GRM7: variants seen among roughly 807,000 people sequenced by gnomAD.
GRM7 encodes the protein glutamate metabotropic receptor 7.
Under a neutral mutation model 84.5 loss-of-function variants are expected in GRM7, and 35 were observed. The observed-to-expected ratio is 0.41, with a 90% CI of 0.32 to 0.55. The LOEUF (loss-of-function observed/expected upper bound fraction) is 0.55. GRM7 is among the 20% of genes least tolerant of loss of function. The pLI is 0.19. For missense variants in GRM7, 1,003 were observed against 1,194.6 expected (o/e 0.84, Z 2.36); for synonymous variants, 487 against 455.1 (o/e 1.07, Z -0.89).
chr3:7,051,103 C>T (rs1191763850), intron 1 of GRM7, among the ~76,000 whole-genome samples: 3 of 151,738 alleles, frequency 2.0e-5, no homozygotes, highest in Non-Finnish European at 4.4e-5. Context: ...TTGGGGATCA[C>T]TGCTTGAATT....
chr3:6,990,411 G>A (rs961309123), intron 1 of GRM7, among the ~76,000 whole-genome samples: 2 of 152,316 alleles, frequency 1.3e-5, no homozygotes. Context: ...ACTGGGTTGG[G>A]AGATGGGTGT....
intron 7 of GRM7, among the ~76,000 whole-genome samples, chr3:7,528,171 AG>A (rs1700884221): frequency 6.6e-6 from 1 of 151,966 alleles, no homozygotes; most frequent in Admixed American, 6.6e-5. Context: ...TTTGGTTGGT[AG>A]ATATTTTTAT....
chr3:6,946,175 G>A (rs1698072655), intron 1 of GRM7, among the ~76,000 whole-genome samples: 1 of 152,126 alleles, frequency 6.6e-6, no homozygotes, highest in Non-Finnish European at 1.5e-5. Flanking sequence ...TTTCCTTCTA[G>A]GGTTTTTATG....
rs147299680 is a variant in GRM7 at position 7,001,171 on chromosome 3, C to T, written c.519+139264C>T. Among the ~76,000 whole-genome samples the T allele has an allele frequency of 1.0e-3, 158 of 152,158 alleles. 2 individuals carry two copies. The highest frequency in any genetic ancestry group is 3.5e-3 in the African/African-American group (147 of 41,514). ...AATAAGCCTGGACAACATAGTGAGA[C>T]CCCATATCCACAAAAAGATTTTTTT... On this transcript the variant is annotated intron_variant, in intron 1 of 9. Coordinates refer to ENST00000357716, the MANE Select transcript of GRM7 (RefSeq NM_000844.4).
intron 4 of GRM7, among the ~76,000 whole-genome samples, chr3:7,313,183 C>A (rs553389421): frequency 1.3e-5 from 2 of 152,114 alleles, no homozygotes; most frequent in African/African-American, 4.8e-5. Context: ...CCCTCCTCAG[C>A]CCCCCAAAGT....
At chr3:7,447,507 G>A (rs1697567482) in intron 5 of GRM7, among the ~76,000 whole-genome samples, 2 of 152,104 alleles carry the variant, frequency 1.3e-5, no homozygotes, top group Admixed American at 6.6e-5. Flanking sequence ...CATGTGGAGG[G>A]TGATTTCAAG....
chr3:7,606,740 G>A (rs1374657519), intron 8 of GRM7: 2 of 152,126 alleles, frequency 1.3e-5, no homozygotes, highest in Non-Finnish European at 2.9e-5. Context: ...TGCCATGTTG[G>A]TCAGGCTGGT....
intron 4 of GRM7, among the ~76,000 whole-genome samples, chr3:7,405,950 T>C (rs974423880): frequency 6.6e-5 from 10 of 151,756 alleles, no homozygotes; most frequent in African/African-American, 2.4e-4. Flanking sequence ...TATTAGATAA[T>C]GTAGTGAATA....
intron 7 of GRM7, among the ~76,000 whole-genome samples, chr3:7,532,176 A>G (rs1309703332): frequency 6.6e-6 from 1 of 152,106 alleles, no homozygotes; most frequent in Non-Finnish European, 1.5e-5. Context: ...GTTGTTTGGA[A>G]TAGTTTCAGA....
chr3:7,157,255 C>T (rs181363407), intron 2 of GRM7, among the ~76,000 whole-genome samples: 40 of 152,124 alleles, frequency 2.6e-4, no homozygotes, highest in Admixed American at 1.2e-3. Flanking sequence ...AGTTGACTGA[C>T]GATTCCATAA....
intron 7 of GRM7, among the ~76,000 whole-genome samples, chr3:7,542,614 C>T (rs1040644640): frequency 2.0e-5 from 3 of 147,304 alleles, no homozygotes; most frequent in Non-Finnish European, 4.4e-5. Context: ...GTCACACAAT[C>T]TTGGCTCACT....
intron 1 of GRM7, among the ~76,000 whole-genome samples, chr3:7,133,865 T>A (rs1239009403): frequency 6.6e-6 from 1 of 152,190 alleles, no homozygotes; most frequent in East Asian, 1.9e-4. Flanking sequence ...TTACTCTAGG[T>A]AAGTGTATGC....
intron 1 of GRM7, among the ~76,000 whole-genome samples, chr3:7,064,479 T>TATATATGTATATATATACAC: frequency 1.0e-5 from 1 of 99,382 alleles, no homozygotes; most frequent in African/African-American, 3.9e-5. Flanking sequence ...TATATATATA[T>TATATATGTATATATATACAC]ACACACATAT....
At chr3:7,100,155 A>T (rs1699061990) in intron 1 of GRM7, among the ~76,000 whole-genome samples, 1 of 151,518 alleles carries the variant, frequency 6.6e-6, no homozygotes, top group Non-Finnish European at 1.5e-5. Flanking sequence ...TGGCACAGAA[A>T]CAAAGAACCT....
chr3:7,573,981 T>C (rs1363046164), intron 7 of GRM7, among the ~76,000 whole-genome samples: 1 of 152,248 alleles, frequency 6.6e-6, no homozygotes. Flanking sequence ...AAAGACAGTT[T>C]ATCATTTCAC....
chr3:6,986,426 A>G lies in GRM7; in HGVS notation c.519+124519A>G, dbSNP rs149939267. ...GAAAAATAATGAACATTGAAAAACA[A>G]AAATGAAAAAACCTCATCTCCTAGT... On this transcript the variant is annotated intron_variant, in intron 1 of 9. Transcript: ENST00000357716. Among the ~76,000 whole-genome samples the G allele has an allele frequency of 2.6e-5, 4 of 152,308 alleles. No homozygotes were observed. The East Asian group carries it at 7.7e-4, about 29-fold the overall frequency.
chr3:7,128,359 C>T (rs1019351002), intron 1 of GRM7, among the ~76,000 whole-genome samples: 9 of 151,700 alleles, frequency 5.9e-5, no homozygotes, highest in African/African-American at 2.2e-4. Context: ...AACCAGACAC[C>T]TAATACCCTT....
At chr3:7,282,168 A>G (rs1294295903) in intron 2 of GRM7, among the ~76,000 whole-genome samples, 1 of 152,196 alleles carries the variant, frequency 6.6e-6, no homozygotes, top group East Asian at 1.9e-4. Flanking sequence ...TTAGAATCCC[A>G]TGTTCTCCAA....
chr3:7,199,677 G>A (rs778199783), intron 2 of GRM7, among the ~76,000 whole-genome samples: 11 of 152,110 alleles, frequency 7.2e-5, no homozygotes, highest in South Asian at 2.1e-4. Flanking sequence ...ATTAGTAAAC[G>A]TCCTACAATG....
Sources: allele counts gnomAD v4.1 joint callset (sites outside exome capture counted in the v4.1 genomes callset), GRCh38; gene constraint gnomAD v4.1.1; transcripts MANE v1.5; gene names NCBI Gene and HGNC (gene_info 2026-07-23, HGNC 2026-07-21).